The following SHISA9 variants were observed in gnomAD, a reference collection of about 807,000 sequenced individuals.
SHISA9 encodes shisa family member 9.
A neutral mutation model predicts 38.0 loss-of-function variants in SHISA9; 13 were observed. That is an observed-to-expected ratio of 0.34 (90% CI 0.22 to 0.54). SHISA9 has a LOEUF of 0.54. Among genes scored for constraint, SHISA9 ranks in the 20% least tolerant of loss-of-function variants. The pLI, the probability that SHISA9 is intolerant of heterozygous loss-of-function variation, is 0.91. For synonymous variants in SHISA9, 275 were observed against 242.0 expected (o/e 1.14, Z -1.27); for missense variants, 538 against 575.8 (o/e 0.93, Z 0.67).
intron 2 of SHISA9, among the ~76,000 whole-genome samples, chr16:12,951,001 C>A (rs1229248333): frequency 6.7e-6 from 1 of 149,680 alleles, no homozygotes; most frequent in Non-Finnish European, 1.5e-5. Flanking sequence ...GCGGGTGGAT[C>A]ACTTGAGATC....
chr16:13,249,576 G>A, the SHISA9 span, among the ~76,000 whole-genome samples: 2 of 152,090 alleles, frequency 1.3e-5, no homozygotes, highest in African/African-American at 4.8e-5. Flanking sequence ...CATCTAATGG[G>A]GGAGGCAGAC....
At chr16:13,289,083 C>T in the SHISA9 span, among the ~76,000 whole-genome samples, 1 of 152,028 alleles carries the variant, frequency 6.6e-6, no homozygotes, top group African/African-American at 2.4e-5. Flanking sequence ...TTAGAGGCTG[C>T]GGATGAGTTA....
chr16:12,925,951 C>G (rs1463209981), intron 2 of SHISA9, among the ~76,000 whole-genome samples: 3 of 152,082 alleles, frequency 2.0e-5, no homozygotes, highest in Non-Finnish European at 4.4e-5. Flanking sequence ...GTCTTGAACT[C>G]CTGACCTCAG....
chr16:13,271,249 A>G, the SHISA9 span, among the ~76,000 whole-genome samples: 1 of 152,186 alleles, frequency 6.6e-6, no homozygotes, highest in Admixed American at 6.5e-5. Flanking sequence ...GAGAGAAGGA[A>G]CAAACATTAC....
At chr16:13,452,872 A>G in the SHISA9 span, among the ~76,000 whole-genome samples, 1 of 151,614 alleles carries the variant, frequency 6.6e-6, no homozygotes, top group Non-Finnish European at 1.5e-5. Flanking sequence ...CTCATCTTCT[A>G]AAGGTTGGCT....
At chr16:13,082,428 T>G (rs2073661325) in intron 2 of SHISA9, 1 of 152,154 alleles carries the variant, frequency 6.6e-6, no homozygotes. Context: ...TCTATGCTCT[T>G]TTCTTCTGGT....
chr16:12,925,858 A>T (rs553327496), intron 2 of SHISA9, among the ~76,000 whole-genome samples: 2 of 152,004 alleles, frequency 1.3e-5, no homozygotes, highest in African/African-American at 4.8e-5. Context: ...TTTTTTCTGT[A>T]CTTATCACAT....
intron 2 of SHISA9, among the ~76,000 whole-genome samples, chr16:12,975,501 AAAAG>A (rs2141817274): frequency 6.6e-6 from 1 of 152,204 alleles, no homozygotes; most frequent in Non-Finnish European, 1.5e-5. Flanking sequence ...AGACTCCATA[AAAAG>A]AAAGAAAGGA....
At chr16:12,998,291 C>G (rs746069344) in intron 2 of SHISA9, among the ~76,000 whole-genome samples, 4 of 152,194 alleles carry the variant, frequency 2.6e-5, no homozygotes, top group Non-Finnish European at 4.4e-5. Context: ...TAAGCACTAA[C>G]ATGTGTAATG....
chr16:12,931,971 G>A (rs551744974), intron 2 of SHISA9, among the ~76,000 whole-genome samples: 10 of 152,250 alleles, frequency 6.6e-5, no homozygotes, highest in African/African-American at 2.2e-4. Flanking sequence ...ATCATGGAGG[G>A]CAAGTTTTTC....
intron 2 of SHISA9, among the ~76,000 whole-genome samples, chr16:12,919,094 C>T (rs567308356): frequency 1.6e-4 from 24 of 152,130 alleles, no homozygotes; most frequent in African/African-American, 4.8e-4. Flanking sequence ...TTGAGGAGTG[C>T]ATTGAGAGAA....
intron 2 of SHISA9, among the ~76,000 whole-genome samples, chr16:13,197,344 T>C (rs2050956773): frequency 6.6e-6 from 1 of 152,148 alleles, no homozygotes; most frequent in Non-Finnish European, 1.5e-5. Flanking sequence ...ATGGTCTAGT[T>C]TCTGACAGTT....
At chr16:13,229,926 GGGA>G (rs2051314807) in intron 4 of SHISA9, among the ~76,000 whole-genome samples, 1 of 152,148 alleles carries the variant, frequency 6.6e-6, no homozygotes. Context: ...GACCAGATAG[GGGA>G]CCTCATTATA....
chr16:13,126,827 AAGAAAGAG>A (rs2050262039), intron 2 of SHISA9, among the ~76,000 whole-genome samples: 1 of 75,040 alleles, frequency 1.3e-5, no homozygotes, highest in Non-Finnish European at 3.3e-5. Context: ...AGCTGAGGGA[AAGAAAGAG>A]AGAGAGACTG....
chr16:13,396,342 A>T, the SHISA9 span, among the ~76,000 whole-genome samples: 1 of 152,234 alleles, frequency 6.6e-6, no homozygotes, highest in African/African-American at 2.4e-5. Context: ...CCCCATCTCT[A>T]CTAAAAATAC....
the SHISA9 span, among the ~76,000 whole-genome samples, chr16:13,246,091 C>G: frequency 6.6e-6 from 1 of 152,106 alleles, no homozygotes; most frequent in Admixed American, 6.5e-5. Context: ...AATATATTCA[C>G]CACATAAAAC....
chr16:13,428,347 C>T, the SHISA9 span, among the ~76,000 whole-genome samples: 2 of 152,112 alleles, frequency 1.3e-5, no homozygotes, highest in African/African-American at 4.8e-5. Flanking sequence ...AAGTTACATC[C>T]TTGGCAGAAT....
the SHISA9 span, among the ~76,000 whole-genome samples, chr16:13,470,076 C>T: frequency 6.6e-6 from 1 of 152,134 alleles, no homozygotes; most frequent in Non-Finnish European, 1.5e-5. Context: ...AAATCCTTTT[C>T]TTTCCCCTAT....
At chr16:13,284,832 C>T in the SHISA9 span, among the ~76,000 whole-genome samples, 1 of 152,170 alleles carries the variant, frequency 6.6e-6, no homozygotes, top group African/African-American at 2.4e-5. Context: ...TTCATGGGCT[C>T]AAGTGATCTG....
Sources: gnomAD v4.1 joint callset for allele counts (sites outside exome capture counted in the v4.1 genomes callset) on GRCh38, gnomAD v4.1.1 for gene constraint, MANE v1.5 for transcripts, NCBI Gene and HGNC (gene_info 2026-07-23, HGNC 2026-07-21) for gene names.